MIGA2: variants seen among roughly 807,000 people sequenced by gnomAD.
MIGA2 encodes family with sequence similarity 73, member B.
Under a neutral mutation model 69.9 loss-of-function variants are expected in MIGA2, and 36 were observed. The ratio of observed to expected loss-of-function variants is 0.52; its 90% CI spans 0.39 to 0.68. The LOEUF is 0.68. Among genes scored for constraint, MIGA2 ranks in the 30% least tolerant of loss-of-function variants. MIGA2 has a pLI of 0.00. For missense variants in MIGA2, 660 were observed against 787.7 expected (o/e 0.84, Z 1.94); for synonymous variants, 333 against 349.2 (o/e 0.95, Z 0.52).
Position 129,049,897 on chromosome 9 carries a change from C to A in MIGA2, c.609C>A (p.Ser203Arg). The stretch of plus-strand genomic sequence containing the variant: ...TAAGCGTGGGCCAGCGGGGGGACAG[C>A]GGCAGCACCCCCATGCCCAGGGACG... ...QALSVGQRGD[S>R]GSTPMPRDGL... Residue 203 changes from serine to arginine, a missense_variant, in exon 6 of 16, where the codon AGC becomes AGA. Physicochemically the swap from Ser to Arg is moderately radical, Grantham distance 110. Coordinates refer to ENST00000684074, the MANE Select transcript of MIGA2 (RefSeq NM_001329990.2). The A allele has an allele frequency of 2.5e-6, 4 of 1,613,810 alleles. No individual in the cohort carries two copies. Among genetic ancestry groups the A allele is most frequent in the Non-Finnish European group, 3.4e-6 (4 of 1,180,010 alleles).
chr9:129,042,322 CG>C lies in MIGA2; in HGVS notation c.117del (p.Leu40Ter). On this transcript the variant is annotated frameshift_variant, in exon 3 of 16. Coordinates refer to ENST00000684074, the MANE Select transcript of MIGA2 (RefSeq NM_001329990.2). LOFTEE classifies it high-confidence loss of function. ...CCTGCAGTCTGCATTCTCCCAGCTA[CG>C]GTTGACGCCAGGCCTGCGGAAAGTC... ...TFGQSAFSQL[R>X]LTPGLRKVLF... 1.2e-6 allele frequency: 2 copies of C among 1,612,416 alleles called. No homozygotes were observed. The highest frequency in any genetic ancestry group is 2.2e-5 in the South Asian group (2 of 90,998).
intron 3 of MIGA2, among the ~76,000 whole-genome samples, chr9:129,048,038 T>C (rs1049437979): frequency 5.3e-5 from 8 of 152,204 alleles, no homozygotes; most frequent in African/African-American, 1.9e-4. Flanking sequence ...GCCTTTTGTA[T>C]ATTTTTAAAA....
In MIGA2 at chr9:129,040,656, A is replaced by C; in HGVS notation, c.62A>C (p.Glu21Ala). ...CAGGCCCTGGCCATGACGGTGGCCG[A>C]GATCCCCGTGTTCCTGTACACGACG... is the stretch of plus-strand genomic sequence containing the variant. ...MIQALAMTVA[E>A]IPVFLYTTFG... The change falls in exon 2 of 16, where the codon GAG becomes GCG. Residue 21 changes from glutamate (E) to alanine (A), a missense_variant. Glu to Ala is a moderately radical substitution (Grantham distance 107). Around this residue, in one of 3 missense-constraint regions of MIGA2, gnomAD observed 54 missense variants for 84.0 expected, o/e 0.64. Transcript: ENST00000684074. 1 of 1,613,920 alleles carries C rather than the reference A, an allele frequency of 6.2e-7. No homozygotes were observed. Among genetic ancestry groups the C allele is most frequent in the Non-Finnish European group, 8.5e-7 (1 of 1,179,842 alleles).
chr9:129,070,461 A>T lies in MIGA2; in HGVS notation c.*8A>T. On this transcript the variant is annotated 3_prime_UTR_variant, in exon 16 of 16. Coordinates refer to ENST00000684074, the MANE Select transcript of MIGA2 (RefSeq NM_001329990.2). ...CTGGGGGAGCTGCAGTAGAGGCGGCACGGGCTGGGGGGTGGCAGAGAGAAG... is the reference window on the plus strand; with the variant it reads ...CTGGGGGAGCTGCAGTAGAGGCGGCTCGGGCTGGGGGGTGGCAGAGAGAAG... 1 of 1,548,056 alleles carries T rather than the reference A, an allele frequency of 6.5e-7. No homozygotes were observed. The highest frequency in any genetic ancestry group is 1.2e-5 in the South Asian group (1 of 83,900).
At position 129,068,192 on chromosome 9, in the gene MIGA2, C is replaced by T. The variant is rs200517210; in HGVS notation, c.1270-6C>T. 8 of 1,613,790 alleles carry T rather than the reference C, an allele frequency of 5.0e-6. No individual in the cohort carries two copies. Among genetic ancestry groups the T allele is most frequent in the Admixed American group, 1.7e-5 (1 of 60,022 alleles). ...TGCATGAGCCTCCCGGGGGCACCCT[C>T]TGTAGGTGGTATGCATGAGCTTCTT... is the stretch of plus-strand genomic sequence containing the variant. On this transcript the variant is annotated splice_polypyrimidine_tract_variant and splice_region_variant and intron_variant, in intron 12 of 15. Coordinates refer to ENST00000684074, the MANE Select transcript of MIGA2 (RefSeq NM_001329990.2). The surrounding 1 kb of genome is among the most constrained non-coding windows in gnomAD (Gnocchi z 4.1).
At chr9:129,044,733 G>T (rs765775056) in intron 3 of MIGA2, among the ~76,000 whole-genome samples, 35 of 151,730 alleles carry the variant, frequency 2.3e-4, no homozygotes, top group Non-Finnish European at 5.0e-4. Flanking sequence ...CTGTATTTTT[G>T]GTAGGGATGG....
intron 1 of MIGA2, among the ~76,000 whole-genome samples, chr9:129,038,482 C>T (rs1844715479): frequency 6.6e-6 from 1 of 152,128 alleles, no homozygotes; most frequent in Non-Finnish European, 1.5e-5. Context: ...GTGATCAAGC[C>T]ACTTATTTCC....
At chr9:129,054,315 A>G (rs967521298) in intron 6 of MIGA2, among the ~76,000 whole-genome samples, 1 of 151,658 alleles carries the variant, frequency 6.6e-6, no homozygotes, top group African/African-American at 2.4e-5. Flanking sequence ...TTAGTTGGGC[A>G]TGGTGGCGCA....
chr9:129,051,304 A>T (rs1845524520), intron 6 of MIGA2: 1 of 174,364 alleles, frequency 5.7e-6, no homozygotes, highest in African/African-American at 2.6e-5. Flanking sequence ...TTGGAGACGG[A>T]GTCTCACTCT....
At chr9:129,058,014 A>C (rs2131373977) in intron 6 of MIGA2, among the ~76,000 whole-genome samples, 1 of 152,300 alleles carries the variant, frequency 6.6e-6, no homozygotes, top group East Asian at 1.9e-4. Flanking sequence ...GTGTTAATCG[A>C]CTACATTCTT....
chr9:129,069,130 G>A lies in MIGA2; in HGVS notation c.1458+1G>A, dbSNP rs1386421942. ...GAAAGCCAAGAGGAGGCTGCTGATG[G>A]TGAGTGACTGGCAGGCCCGGGGGAG... is the stretch of plus-strand genomic sequence containing the variant. On this transcript the variant is annotated splice_donor_variant, in intron 14 of 15. Coordinates refer to ENST00000684074, the MANE Select transcript of MIGA2 (RefSeq NM_001329990.2). LOFTEE classifies it high-confidence loss of function. The surrounding 1 kb of genome is among the most constrained non-coding windows in gnomAD (Gnocchi z 4.9). 1 of 1,613,960 alleles carries A rather than the reference G, an allele frequency of 6.2e-7. No homozygotes were observed. Among genetic ancestry groups the A allele is most frequent in the East Asian group, 2.2e-5 (1 of 44,880 alleles).
intron 6 of MIGA2, among the ~76,000 whole-genome samples, chr9:129,052,197 C>T (rs1173928561): frequency 6.6e-6 from 1 of 151,674 alleles, no homozygotes; most frequent in African/African-American, 2.4e-5. Flanking sequence ...GTGATCTTGG[C>T]TCACTGCAGC....
chr9:129,058,776 G>A (rs1845921002), intron 6 of MIGA2, among the ~76,000 whole-genome samples: 1 of 152,146 alleles, frequency 6.6e-6, no homozygotes, highest in South Asian at 2.1e-4. Flanking sequence ...GGGATTACAG[G>A]CGTGAGCCAC....
chr9:129,064,938 G>A (rs148662656), intron 11 of MIGA2, among the ~76,000 whole-genome samples: 31 of 151,930 alleles, frequency 2.0e-4, no homozygotes, highest in African/African-American at 5.8e-4. Context: ...ATGTGTCACC[G>A]CGCCTGGCTA....
At chr9:129,049,127 C>A (rs1204112741) in intron 4 of MIGA2, among the ~76,000 whole-genome samples, 7 of 152,176 alleles carry the variant, frequency 4.6e-5, no homozygotes, top group African/African-American at 1.7e-4. Flanking sequence ...CAGAGGGATT[C>A]CCAGGTTCCT....
rs1846523576 is a variant in MIGA2 at position 129,069,108 on chromosome 9, A to G, written c.1437A>G (p.Lys479=). 6.2e-7 allele frequency: 1 copy of G among 1,613,880 alleles called. No individual in the cohort carries two copies. The highest frequency in any genetic ancestry group is 8.5e-7 in the Non-Finnish European group (1 of 1,179,966). Residue 479 remains lysine (K), a synonymous_variant, in exon 14 of 16, where the codon AAA becomes AAG. Transcript: ENST00000684074. The surrounding 1 kb of genome is among the most constrained non-coding windows in gnomAD (Gnocchi z 4.9). The stretch of plus-strand genomic sequence containing the variant: ...CCACTGCTTGCTGGTCGGTCCTGAA[A>G]GCCAAGAGGAGGCTGCTGATGGTGA... ...ALATACWSVL[K]AKRRLLMVPD...
intron 11 of MIGA2, among the ~76,000 whole-genome samples, chr9:129,063,897 G>C (rs372630680): frequency 1.3e-5 from 2 of 152,172 alleles, no homozygotes; most frequent in East Asian, 3.9e-4. Flanking sequence ...CCCCAGCTGC[G>C]GAGGGTCCCA....
chr9:129,042,367 G>A lies in MIGA2; in HGVS notation c.160G>A (p.Gly54Arg). Residue 54 changes from glycine to arginine, a missense_variant, in exon 3 of 16, where the codon GGG becomes AGG. Around this residue, in one of 3 missense-constraint regions of MIGA2, gnomAD observed 54 missense variants for 84.0 expected, o/e 0.64. Coordinates refer to ENST00000684074, the MANE Select transcript of MIGA2 (RefSeq NM_001329990.2). ...GAAAGTCCTCTTTGCCACGGCCCTG[G>A]GGACTGTGGCCCTGGCCCTGGCTGC... ...LRKVLFATAL[G>R]TVALALAAHQ... 1 of 1,613,606 alleles carries A rather than the reference G, an allele frequency of 6.2e-7. No individual in the cohort carries two copies. Among genetic ancestry groups the A allele is most frequent in the Non-Finnish European group, 8.5e-7 (1 of 1,180,042 alleles).
chr9:129,070,230 C>G lies in MIGA2; in HGVS notation c.1576-17C>G. 1 of 1,607,154 alleles carries G rather than the reference C, an allele frequency of 6.2e-7. No homozygotes were observed. The highest frequency in any genetic ancestry group is 8.5e-7 in the Non-Finnish European group (1 of 1,175,404). ...GCAGTGGCTGGGCCAGGCCTGACAC[C>G]AGCCCTGCTCCCCCAGCACCAGATT... On this transcript the variant is annotated splice_polypyrimidine_tract_variant and intron_variant, in intron 15 of 15. Transcript: ENST00000684074.
Sources: gnomAD v4.1 joint callset for allele counts (sites outside exome capture counted in the v4.1 genomes callset) on GRCh38, gnomAD v4.1.1 for gene constraint, gnomAD v4.1.1 regional missense constraint, Gnocchi (gnomAD v3.1) non-coding constraint, MANE v1.5 for transcripts, NCBI Gene and HGNC (gene_info 2026-07-23, HGNC 2026-07-21) for gene names.